Variants in CTTNBP2 observed in about 807,000 individuals in gnomAD.
The protein encoded by CTTNBP2 is cortactin binding protein 2, also known as cortactin-binding protein 2.
CTTNBP2 carries 108 observed loss-of-function variants against 156.9 expected under a neutral mutation model. That is an observed-to-expected ratio of 0.69 (90% CI 0.59 to 0.81). The LOEUF is 0.81. Among genes scored for constraint, CTTNBP2 ranks in the 30% least tolerant of loss-of-function variants. The pLI is 0.00. For missense variants in CTTNBP2, 1,924 were observed against 2,035.4 expected (o/e 0.95, Z 1.05); for synonymous variants, 767 against 751.8 (o/e 1.02, Z -0.33).
rs1372069744 is a variant in CTTNBP2, at chr7:117,792,411, A to G, written c.785T>C (p.Met262Thr). 6.2e-7 allele frequency: 1 copy of G among 1,613,814 alleles called. No individual in the cohort carries two copies. Among genetic ancestry groups the G allele is most frequent in the Non-Finnish European group, 8.5e-7 (1 of 1,179,920 alleles). ...TTTCAGTTGCTCAATCATTTTCCTC[A>G]TCTTGTCTATCTCCTCTTTGAGGTC... ...TTDLKEEIDK[M>T]RKMIEQLKRG... The change falls in exon 4 of 23, where the codon ATG (methionine) becomes ACG (threonine). Residue 262 changes from methionine (M) to threonine (T), a missense_variant. Coordinates refer to ENST00000160373, the MANE Select transcript of CTTNBP2 (RefSeq NM_033427.3). This position sits in a 1 kb window ranked among gnomAD's most constrained non-coding sequence, Gnocchi z 4.2.
intron 3 of CTTNBP2, among the ~76,000 whole-genome samples, chr7:117,805,072 C>A (rs1268546489): frequency 6.6e-6 from 1 of 151,982 alleles, no homozygotes; most frequent in Non-Finnish European, 1.5e-5. Context: ...GTTTTTAGCT[C>A]TTTTTGAAGC....
chr7:117,757,137 C>A (rs939813156), intron 11 of CTTNBP2, among the ~76,000 whole-genome samples: 1 of 152,142 alleles, frequency 6.6e-6, no homozygotes, highest in African/African-American at 2.4e-5. Context: ...TCTGGGGTGG[C>A]CTCACACTTT....
At chr7:117,734,214 G>A (rs1795559095) in intron 16 of CTTNBP2, among the ~76,000 whole-genome samples, 1 of 152,226 alleles carries the variant, frequency 6.6e-6, no homozygotes, top group Non-Finnish European at 1.5e-5. Flanking sequence ...CAGTTGGGGT[G>A]TTATTAGCAG....
At chr7:117,816,077 T>C (rs949791684) in intron 2 of CTTNBP2, among the ~76,000 whole-genome samples, 1 of 152,188 alleles carries the variant, frequency 6.6e-6, no homozygotes, top group African/African-American at 2.4e-5. Context: ...GGAAGTCTCC[T>C]TCCCAGGGGG....
chr7:117,721,772 T>C (rs1420236663), intron 19 of CTTNBP2, among the ~76,000 whole-genome samples: 1 of 152,246 alleles, frequency 6.6e-6, no homozygotes, highest in Admixed American at 6.5e-5. Context: ...GGAGGTATAC[T>C]GATGCATATC....
chr7:117,819,365 TCTCACACACACACACACA>T (rs1800810182), intron 2 of CTTNBP2, among the ~76,000 whole-genome samples: 2 of 136,844 alleles, frequency 1.5e-5, no homozygotes, highest in African/African-American at 3.0e-5. Flanking sequence ...CTTCTCTCTC[TCTCACACACACACACACA>T]CACACACACA....
intron 1 of CTTNBP2, among the ~76,000 whole-genome samples, chr7:117,866,162 T>C (rs1804182097): frequency 6.6e-6 from 1 of 152,050 alleles, no homozygotes; most frequent in Non-Finnish European, 1.5e-5. Flanking sequence ...AGACCCTGGC[T>C]GAGTAAACTC....
intron 7 of CTTNBP2, among the ~76,000 whole-genome samples, chr7:117,778,245 G>A (rs1292544008): frequency 6.6e-6 from 1 of 151,996 alleles, no homozygotes; most frequent in African/African-American, 2.4e-5. Flanking sequence ...CACCCCAGAA[G>A]CAAAGATCCT....
At chr7:117,779,670 A>G (rs868437871) in intron 7 of CTTNBP2, among the ~76,000 whole-genome samples, 1 of 151,694 alleles carries the variant, frequency 6.6e-6, no homozygotes, top group Non-Finnish European at 1.5e-5. Flanking sequence ...TTTTTTTAAG[A>G]AAAAAAGCTG....
chr7:117,838,320 A>G (rs1802070434), intron 2 of CTTNBP2, among the ~76,000 whole-genome samples: 1 of 152,174 alleles, frequency 6.6e-6, no homozygotes, highest in African/African-American at 2.4e-5. Flanking sequence ...GCTGAGCTTC[A>G]ATTTCCGATC....
chr7:117,718,356 A>ACCAGAAGAACT (rs1554403889), intron 21 of CTTNBP2, among the ~76,000 whole-genome samples: 3 of 152,170 alleles, frequency 2.0e-5, no homozygotes, highest in Non-Finnish European at 2.9e-5. Context: ...TCAAAAGAAG[A>ACCAGAAGAACT]CCAGAAGAAC....
At chr7:117,831,313 T>A (rs1418611533) in intron 2 of CTTNBP2, among the ~76,000 whole-genome samples, 1 of 152,082 alleles carries the variant, frequency 6.6e-6, no homozygotes, top group Non-Finnish European at 1.5e-5. Context: ...CCAACTTATC[T>A]CCCACTCTCC....
At chr7:117,866,685 G>C (rs1804223070) in intron 1 of CTTNBP2, among the ~76,000 whole-genome samples, 1 of 152,104 alleles carries the variant, frequency 6.6e-6, no homozygotes, top group Admixed American at 6.5e-5. Flanking sequence ...AAGGATGCTG[G>C]AGTAAGTGAT....
intron 22 of CTTNBP2, among the ~76,000 whole-genome samples, chr7:117,717,576 C>CA (rs771057481): frequency 5.9e-5 from 9 of 152,078 alleles, no homozygotes; most frequent in African/African-American, 9.7e-5. Flanking sequence ...GGATGTGAAT[C>CA]AACTTATTCA....
chr7:117,751,946 A>G (rs1163060148), intron 12 of CTTNBP2, among the ~76,000 whole-genome samples: 1 of 152,156 alleles, frequency 6.6e-6, no homozygotes, highest in Non-Finnish European at 1.5e-5. Flanking sequence ...TTCCACTGGT[A>G]GCAGAGCTGC....
chr7:117,787,111 T>TTTATTTATTTAATAA (rs1798743029), intron 4 of CTTNBP2, among the ~76,000 whole-genome samples: 1 of 152,172 alleles, frequency 6.6e-6, no homozygotes, highest in Admixed American at 6.5e-5. Context: ...CCTGCCTAAA[T>TTTATTTATTTAATAA]ATGGGAAAAA....
At chr7:117,843,063 G>A (rs1405072794) in intron 2 of CTTNBP2, among the ~76,000 whole-genome samples, 2 of 152,196 alleles carry the variant, frequency 1.3e-5, no homozygotes, top group Non-Finnish European at 2.9e-5. Flanking sequence ...GAGAAGAATG[G>A]TTGTAATCTG....
chr7:117,820,089 T>C (rs1387640866), intron 2 of CTTNBP2, among the ~76,000 whole-genome samples: 4 of 152,252 alleles, frequency 2.6e-5, no homozygotes, highest in Admixed American at 6.5e-5. Context: ...TTAGTGCTCA[T>C]GCTCTGATGT....
chr7:117,763,637 T>C (rs1797329431), intron 9 of CTTNBP2, among the ~76,000 whole-genome samples: 1 of 147,866 alleles, frequency 6.8e-6, no homozygotes, highest in African/African-American at 2.5e-5. Flanking sequence ...CTTGACTCAC[T>C]GCAGCCTTGA....
Sources: gnomAD v4.1 joint callset for allele counts (sites outside exome capture counted in the v4.1 genomes callset) on GRCh38, gnomAD v4.1.1 for gene constraint, Gnocchi (gnomAD v3.1) non-coding constraint, MANE v1.5 for transcripts, NCBI Gene and HGNC (gene_info 2026-07-23, HGNC 2026-07-21) for gene names.